The following GNAO1 variants were observed in gnomAD, a reference collection of about 807,000 sequenced individuals.
The protein encoded by GNAO1 is G protein subunit alpha o1, also known as guanine nucleotide-binding protein G(o) subunit alpha.
For synonymous variants in GNAO1, 164 were observed against 180.7 expected, an observed-to-expected ratio of 0.91 and a Z score of 0.74; for missense variants, 166 against 478.7, an observed-to-expected ratio of 0.35 and a Z score of 6.10.
intron 2 of GNAO1, among the ~76,000 whole-genome samples, chr16:56,228,268 G>A (rs372001763): frequency 6.6e-6 from 1 of 152,142 alleles, no homozygotes; most frequent in Non-Finnish European, 1.5e-5. Flanking sequence ...GGAATAGGCC[G>A]AGACATACCC....
At chr16:56,297,845 C>A in intron 3 of GNAO1, among the ~76,000 whole-genome samples, 1 of 151,996 alleles carries the variant, frequency 6.6e-6, no homozygotes, top group Non-Finnish European at 1.5e-5. Flanking sequence ...AGTGTGTATT[C>A]TCTTCTTTAT....
At chr16:56,294,341 T>TAAAAAAA (rs377121608) in intron 3 of GNAO1, among the ~76,000 whole-genome samples, 1 of 133,640 alleles carries the variant, frequency 7.5e-6, no homozygotes. Flanking sequence ...GGCTTTGCTT[T>TAAAAAAA]AAAAAAAAAA....
At chr16:56,213,232 G>T in intron 2 of GNAO1, 3 of 398,494 alleles carry the variant, frequency 7.5e-6, no homozygotes, top group Non-Finnish European at 1.3e-5. Context: ...TTCCATCGAG[G>T]TTATTCTTTC....
At chr16:56,240,923 A>G (rs1229414887) in intron 2 of GNAO1, among the ~76,000 whole-genome samples, 2 of 152,224 alleles carry the variant, frequency 1.3e-5, no homozygotes, top group Non-Finnish European at 2.9e-5. Flanking sequence ...GAAGGCAGGT[A>G]GAAGCCAAGG....
At chr16:56,208,462 CGT>C (rs1245702444) in intron 2 of GNAO1, among the ~76,000 whole-genome samples, 1,800 of 115,548 alleles carry the variant, frequency 0.016, 43 homozygotes, top group African/African-American at 0.064. Context: ...CGCGCGCGCA[CGT>C]GTGTGTGTGT....
At chr16:56,346,830 CA>C (rs1445471382) in intron 6 of GNAO1, 3 of 985,390 alleles carry the variant, frequency 3.0e-6, no homozygotes, top group Non-Finnish European at 3.6e-6. Context: ...GAGGCAGCCC[CA>C]AGTTCCAACT....
At chr16:56,355,493 CTG>C (rs1168898534) in intron 8 of GNAO1, 5 of 152,442 alleles carry the variant, frequency 3.3e-5, no homozygotes, top group Admixed American at 6.5e-5. Context: ...AGCCAGCTCT[CTG>C]TGTTGCGCCC....
chr16:56,199,313 A>G (rs2036261251), intron 2 of GNAO1, among the ~76,000 whole-genome samples: 1 of 152,230 alleles, frequency 6.6e-6, no homozygotes, highest in Non-Finnish European at 1.5e-5. Context: ...CAAACTTTTC[A>G]TGCAGACATG....
intron 2 of GNAO1, among the ~76,000 whole-genome samples, chr16:56,264,793 C>T (rs1362420692): frequency 1.6e-4 from 23 of 147,712 alleles, no homozygotes; most frequent in African/African-American, 3.9e-4. Context: ...ATATTTTTAT[C>T]GTATAGTATA....
intron 5 of GNAO1, among the ~76,000 whole-genome samples, chr16:56,335,226 C>T (rs1184759591): frequency 1.3e-5 from 2 of 152,208 alleles, no homozygotes; most frequent in African/African-American, 4.8e-5. Context: ...TAAGCCCAAG[C>T]TACCTCTGTG....
intron 2 of GNAO1, among the ~76,000 whole-genome samples, chr16:56,229,143 G>A (rs1476762902): frequency 6.6e-6 from 1 of 152,132 alleles, no homozygotes; most frequent in Non-Finnish European, 1.5e-5. Flanking sequence ...GAGGCTAGAG[G>A]TAGAATCATT....
intron 6 of GNAO1, chr16:56,345,256 G>A (rs143281263): frequency 2.1e-5 from 21 of 985,552 alleles, no homozygotes; most frequent in East Asian, 2.3e-4. Flanking sequence ...CAGGCCAGTC[G>A]TGTGCTTGTA....
At chr16:56,352,321 C>G (rs1260182010) in intron 7 of GNAO1, 1 of 152,490 alleles carries the variant, frequency 6.6e-6, no homozygotes, top group Non-Finnish European at 1.5e-5. Flanking sequence ...ATGGTGGCTT[C>G]CGTGGAATGG....
At chr16:56,347,114 A>G (rs2037877021) in intron 6 of GNAO1, 5 of 985,402 alleles carry the variant, frequency 5.1e-6, no homozygotes, top group Non-Finnish European at 4.8e-6. Context: ...TGGATATTTA[A>G]TGAGCACTCG....
chr16:56,292,537 T>C (rs2037242225), intron 3 of GNAO1, among the ~76,000 whole-genome samples: 1 of 152,144 alleles, frequency 6.6e-6, no homozygotes, highest in Non-Finnish European at 1.5e-5. Flanking sequence ...AATTTTTGTA[T>C]TTTTTGTAGA....
intron 3 of GNAO1, among the ~76,000 whole-genome samples, chr16:56,315,421 G>A (rs761042724): frequency 6.6e-6 from 1 of 152,194 alleles, no homozygotes; most frequent in East Asian, 1.9e-4. Flanking sequence ...GGGAAAGGAG[G>A]TGGAGGATGA....
chr16:56,292,741 T>C (rs2037244689), intron 3 of GNAO1, among the ~76,000 whole-genome samples: 1 of 152,232 alleles, frequency 6.6e-6, no homozygotes, highest in Non-Finnish European at 1.5e-5. Flanking sequence ...CGTTCAGCTC[T>C]GCTGTCCTGT....
intron 6 of GNAO1, chr16:56,343,701 G>C: frequency 7.3e-7 from 1 of 1,370,002 alleles, no homozygotes; most frequent in Non-Finnish European, 1.0e-6. Flanking sequence ...GGCTGGGGTC[G>C]TCCATGCCAA....
intron 3 of GNAO1, 144 bp downstream of exon 3, chr16:56,276,216 A>C: frequency 1.6e-6 from 1 of 639,532 alleles, no homozygotes; most frequent in Non-Finnish European, 2.5e-6. Context: ...ACAGTCACCA[A>C]CCTAAGCCAT....
Sources: allele counts gnomAD v4.1 joint callset (sites outside exome capture counted in the v4.1 genomes callset), GRCh38; gene constraint gnomAD v4.1.1; transcripts MANE v1.5; gene names NCBI Gene and HGNC (gene_info 2026-07-23, HGNC 2026-07-21).